PCDHA9: variants seen among roughly 807,000 people sequenced by gnomAD.
PCDHA9 encodes the protein protocadherin alpha-9.
In PCDHA9, 62 loss-of-function variants were observed where a neutral mutation model predicts 62.0. The ratio of observed to expected loss-of-function variants is 1.00; its 90% CI spans 0.81 to 1.23. The LOEUF (loss-of-function observed/expected upper bound fraction) is 1.23, where lower values mean the gene tolerates loss of function less well. Among genes scored for constraint, PCDHA9 ranks in the 50% most tolerant of loss-of-function variants. The probability of loss-of-function intolerance (pLI) is 0.00; values close to 1 mark genes in which losing one functional copy is unlikely to be tolerated. For missense variants in PCDHA9, 1,205 were observed against 1,249.8 expected (o/e 0.96, Z 0.54); for synonymous variants, 557 against 567.6 (o/e 0.98, Z 0.27).
intron 1 of PCDHA9, among the ~76,000 whole-genome samples, chr5:140,965,934 G>C (rs1186937423): frequency 6.6e-6 from 1 of 152,212 alleles, no homozygotes; most frequent in Non-Finnish European, 1.5e-5. Context: ...CTCCCGGAAA[G>C]AGGGCAGCAT....
chr5:140,893,709 G>T lies in PCDHA9; in HGVS notation c.2394+42820G>T, dbSNP rs141117049. ...ATCTCATTCTATCCTAGCCTGTAAA[G>T]CTTCTGCTGAGAAATCTGCTGTTAG... is the stretch of plus-strand genomic sequence containing the variant. On this transcript the variant is annotated intron_variant, in intron 1 of 3. Transcript: ENST00000532602. 2.6e-3 allele frequency among the ~76,000 whole-genome samples: 396 copies of T among 152,250 alleles called. 2 individuals carry two copies. Among genetic ancestry groups the T allele is most frequent in the African/African-American group, 9.2e-3 (384 of 41,542 alleles).
intron 1 of PCDHA9, among the ~76,000 whole-genome samples, chr5:140,910,717 T>C (rs1349205242): frequency 1.3e-5 from 2 of 152,142 alleles, no homozygotes; most frequent in African/African-American, 4.8e-5. Flanking sequence ...CATCTTTTAA[T>C]CCATATTTCA....
intron 1 of PCDHA9, chr5:140,926,614 C>G: frequency 2.6e-6 from 1 of 377,760 alleles, no homozygotes; most frequent in Non-Finnish European, 4.6e-6. Flanking sequence ...TCTCTGCACC[C>G]CTAGGCGGCG....
chr5:140,907,631 C>T (rs1338354291), intron 1 of PCDHA9, among the ~76,000 whole-genome samples: 1 of 152,216 alleles, frequency 6.6e-6, no homozygotes, highest in African/African-American at 2.4e-5. Flanking sequence ...GTGTTGGTCT[C>T]TGCTGCTGGC....
intron 1 of PCDHA9, chr5:140,927,194 T>C (rs2083959275): frequency 1.2e-6 from 2 of 1,614,122 alleles, no homozygotes; most frequent in Non-Finnish European, 1.7e-6. Context: ...GACCTGGTGC[T>C]CGAGGACCCG....
At chr5:140,996,695 A>G (rs1207094122) in intron 3 of PCDHA9, among the ~76,000 whole-genome samples, 1 of 152,088 alleles carries the variant, frequency 6.6e-6, no homozygotes, top group East Asian at 1.9e-4. Context: ...ATTCTTCTGA[A>G]CCTCTATCTC....
chr5:140,855,670 T>G (rs1581372681), intron 1 of PCDHA9, among the ~76,000 whole-genome samples: 2 of 149,924 alleles, frequency 1.3e-5, no homozygotes, highest in African/African-American at 4.9e-5. Context: ...ATCACTACTC[T>G]GAGAGTCTAC....
rs1562832308 is a variant in PCDHA9 at position 140,887,757 on chromosome 5, CAT to C, written c.2394+36871_2394+36872del. 3.3e-5 allele frequency among the ~76,000 whole-genome samples: 5 copies of C among 152,284 alleles called. No homozygotes were observed. In the East Asian group the frequency reaches 9.6e-4, roughly 29 times the overall value. On this transcript the variant is annotated intron_variant, in intron 1 of 3. Transcript: ENST00000532602. ...CATCCTTTCTGAGACTCCAGTAACA[CAT>C]ATGTTACAATGACACAGGTCATTGA...
chr5:140,858,822 T>C (rs1334522952), intron 1 of PCDHA9: 2 of 340,086 alleles, frequency 5.9e-6, no homozygotes, highest in Non-Finnish European at 1.1e-5. Context: ...TGATTGTATT[T>C]GCATTACCAA....
intron 1 of PCDHA9, chr5:140,876,123 C>T (rs782271666): frequency 6.2e-7 from 1 of 1,613,906 alleles, no homozygotes; most frequent in East Asian, 2.2e-5. Flanking sequence ...TAATCGATGG[C>T]GGTAAACCAG....
At chr5:140,937,705 G>T (rs892429555) in intron 1 of PCDHA9, among the ~76,000 whole-genome samples, 2 of 151,928 alleles carry the variant, frequency 1.3e-5, no homozygotes, top group Admixed American at 6.6e-5. Context: ...GAGGTCAGGA[G>T]ATCAAGACCA....
chr5:140,875,984 C>T (rs2056022183), intron 1 of PCDHA9: 1 of 1,613,870 alleles, frequency 6.2e-7, no homozygotes, highest in East Asian at 2.2e-5. Flanking sequence ...TTGACCTATG[C>T]GTTAAGTCTA....
intron 1 of PCDHA9, among the ~76,000 whole-genome samples, chr5:140,941,846 C>T (rs2093181493): frequency 6.6e-6 from 1 of 152,178 alleles, no homozygotes; most frequent in Non-Finnish European, 1.5e-5. Flanking sequence ...CTGCCATTAC[C>T]TGATATTCCC....
chr5:140,872,667 A>G (rs2053828539), intron 1 of PCDHA9, among the ~76,000 whole-genome samples: 1 of 152,186 alleles, frequency 6.6e-6, no homozygotes, highest in African/African-American at 2.4e-5. Flanking sequence ...CAACTATTGG[A>G]TACTCAAACA....
chr5:140,870,975 G>A, intron 1 of PCDHA9: 1 of 1,613,610 alleles, frequency 6.2e-7, no homozygotes, highest in Non-Finnish European at 8.5e-7. Context: ...TCCGCGTGGG[G>A]CTGTACACGG....
chr5:141,003,273 G>A (rs782391603), intron 3 of PCDHA9, among the ~76,000 whole-genome samples: 5 of 152,214 alleles, frequency 3.3e-5, no homozygotes, highest in Admixed American at 6.5e-5. Context: ...TAAGGGAAGT[G>A]CCCAAATTGG....
In PCDHA9 at chr5:140,850,079, G is replaced by A. The variant is rs2150466050; in HGVS notation, c.1584G>A (p.Leu528=). The change falls in exon 1 of 4, where the codon CTG becomes CTA. Residue 528 remains leucine, a synonymous_variant. Coordinates refer to ENST00000532602, the MANE Select transcript of PCDHA9 (RefSeq NM_031857.2). ...TGCAGCCGTTGGACCACGAGGAGCTGGAGCTGCTACAGTTCCAGGTGAGCG... is the reference window on the plus strand; with the variant it reads ...TGCAGCCGTTGGACCACGAGGAGCTAGAGCTGCTACAGTTCCAGGTGAGCG... ...YALQPLDHEE[L]ELLQFQVSAR... The A allele has an allele frequency of 1.6e-3, 2,619 of 1,596,602 alleles. 178 individuals are homozygous for A. In the African/African-American group the frequency reaches 0.028, roughly 17 times the overall value.
intron 1 of PCDHA9, chr5:140,877,670 C>A: frequency 6.2e-7 from 1 of 1,613,654 alleles, no homozygotes; most frequent in Non-Finnish European, 8.5e-7. Flanking sequence ...AGCCGGTGCG[C>A]GCCGGGCAAG....
intron 3 of PCDHA9, among the ~76,000 whole-genome samples, chr5:140,985,189 G>A (rs1440212716): frequency 3.3e-5 from 5 of 152,004 alleles, no homozygotes; most frequent in African/African-American, 9.7e-5. Context: ...CGCCTGCCTC[G>A]GTCTCCCAAA....
Sources: allele counts gnomAD v4.1 joint callset (sites outside exome capture counted in the v4.1 genomes callset), GRCh38; gene constraint gnomAD v4.1.1; transcripts MANE v1.5; gene names NCBI Gene and HGNC (gene_info 2026-07-23, HGNC 2026-07-21).